PPP2R5C: variants seen among roughly 807,000 people sequenced by gnomAD.
PPP2R5C encodes the protein serine/threonine-protein phosphatase 2A 56 kDa regulatory subunit gamma isoform.
A neutral mutation model predicts 68.9 loss-of-function variants in PPP2R5C; 7 were observed. The ratio of observed to expected loss-of-function variants is 0.10; its 90% CI spans 0.06 to 0.19. The LOEUF is 0.19. PPP2R5C is among the 10% of genes least tolerant of loss of function. The pLI is 1.00. For synonymous variants in PPP2R5C, 210 were observed against 222.2 expected (o/e 0.95, Z 0.49); for missense variants, 348 against 641.3 (o/e 0.54, Z 4.94).
At chr14:101,778,259 A>G (rs1566828688) in intron 2 of PPP2R5C, among the ~76,000 whole-genome samples, 1 of 151,848 alleles carries the variant, frequency 6.6e-6, no homozygotes, top group Non-Finnish European at 1.5e-5. Flanking sequence ...CCCATTTTTT[A>G]ATCGGGTTTT....
chr14:101,842,435 T>C (rs2041533913), intron 1 of PPP2R5C, among the ~76,000 whole-genome samples: 2 of 152,202 alleles, frequency 1.3e-5, no homozygotes, highest in Admixed American at 1.3e-4. Context: ...GAGCGGCCAC[T>C]GGAGCATCCT....
At chr14:101,826,034 T>C (rs1284624778) in intron 1 of PPP2R5C, among the ~76,000 whole-genome samples, 1 of 152,264 alleles carries the variant, frequency 6.6e-6, no homozygotes, top group Non-Finnish European at 1.5e-5. Context: ...AAAGTCTTTA[T>C]GTACTCCGAG....
At chr14:101,861,940 G>A (rs1250587240) in intron 2 of PPP2R5C, among the ~76,000 whole-genome samples, 1 of 152,186 alleles carries the variant, frequency 6.6e-6, no homozygotes, top group Non-Finnish European at 1.5e-5. Context: ...TAGAGATGCC[G>A]TCTTGCTCTG....
At chr14:101,785,401 G>T (rs1006418004) in intron 2 of PPP2R5C, among the ~76,000 whole-genome samples, 1 of 152,148 alleles carries the variant, frequency 6.6e-6, no homozygotes. Flanking sequence ...GGCTCTGGAG[G>T]TTCTAGAGGA....
chr14:101,794,607 G>A (rs2038523306), intron 3 of PPP2R5C, among the ~76,000 whole-genome samples: 1 of 152,182 alleles, frequency 6.6e-6, no homozygotes, highest in Admixed American at 6.5e-5. Flanking sequence ...CTTGTGATGT[G>A]TGCCTCCTCT....
intron 3 of PPP2R5C, 54 bp downstream of exon 3, chr14:101,786,237 C>G (rs960120526): frequency 1.4e-6 from 2 of 1,420,118 alleles, no homozygotes; most frequent in Non-Finnish European, 1.9e-6. Flanking sequence ...AGTGAAGGAG[C>G]AATGTTTTGA....
intron 1 of PPP2R5C, among the ~76,000 whole-genome samples, chr14:101,852,114 C>T (rs1455798293): frequency 2.6e-5 from 4 of 152,180 alleles, no homozygotes; most frequent in South Asian, 2.1e-4. Context: ...ACCTCCACTG[C>T]GTGTAAATTT....
At chr14:101,872,410 T>C (rs1161997879) in intron 2 of PPP2R5C, among the ~76,000 whole-genome samples, 1 of 151,836 alleles carries the variant, frequency 6.6e-6, no homozygotes, top group Non-Finnish European at 1.5e-5. Flanking sequence ...GCTAATTTTT[T>C]TACTTTTTGT....
At chr14:101,789,307 A>T (rs1184888578) in intron 3 of PPP2R5C, among the ~76,000 whole-genome samples, 1 of 152,194 alleles carries the variant, frequency 6.6e-6, no homozygotes, top group Non-Finnish European at 1.5e-5. Flanking sequence ...TCCTAAGTTG[A>T]TGGGAAAGTG....
chr14:101,871,208 G>T (rs1385886936), intron 2 of PPP2R5C, among the ~76,000 whole-genome samples: 3 of 130,864 alleles, frequency 2.3e-5, no homozygotes, highest in Non-Finnish European at 4.6e-5. Flanking sequence ...GTTGAGTCTT[G>T]GTTTTTTTTT....
rs192520011 is a variant in PPP2R5C at position 101,880,093 on chromosome 14, C to T, written c.295-2068C>T. On this transcript the variant is annotated intron_variant, in intron 2 of 13. Transcript: ENST00000334743. Reference sequence around the variant, plus strand: ...CTGTCAATCACCGTTCTTTGGGAGGCTCCTTGCAGTGCCCTATACACACAC... The same window carrying T: ...CTGTCAATCACCGTTCTTTGGGAGGTTCCTTGCAGTGCCCTATACACACAC... 7.9e-5 allele frequency among the ~76,000 whole-genome samples: 12 copies of T among 152,310 alleles called. No homozygotes were observed. The East Asian group carries it at 1.9e-3, about 25-fold the overall frequency.
At chr14:101,803,316 G>A (rs2038945741) in intron 3 of PPP2R5C, 1 of 152,354 alleles carries the variant, frequency 6.6e-6, no homozygotes. Context: ...AATTCGTGAA[G>A]CAGTTGCATA....
At chr14:101,856,952 T>G in intron 2 of PPP2R5C, 67 bp downstream of exon 4, 2 of 1,457,608 alleles carry the variant, frequency 1.4e-6, no homozygotes, top group Non-Finnish European at 1.9e-6. Context: ...CCAAGATCTC[T>G]GAGCCTAACA....
chr14:101,910,610 A>G (rs2046328124), intron 11 of PPP2R5C, among the ~76,000 whole-genome samples: 1 of 152,144 alleles, frequency 6.6e-6, no homozygotes. Flanking sequence ...AGGCGGGTGG[A>G]TCACAAGGTC....
At chr14:101,872,807 T>C (rs2043511182) in intron 2 of PPP2R5C, among the ~76,000 whole-genome samples, 1 of 152,186 alleles carries the variant, frequency 6.6e-6, no homozygotes, top group Non-Finnish European at 1.5e-5. Context: ...TTCATCAGTT[T>C]GAGAAATTGT....
At chr14:101,789,416 A>G (rs1225773769) in intron 3 of PPP2R5C, among the ~76,000 whole-genome samples, 1 of 152,210 alleles carries the variant, frequency 6.6e-6, no homozygotes, top group East Asian at 1.9e-4. Flanking sequence ...GGTTGGCGCC[A>G]TGCCAGTGCA....
At chr14:101,764,368 A>G (rs530983680) in intron 2 of PPP2R5C, among the ~76,000 whole-genome samples, 68 of 152,324 alleles carry the variant, frequency 4.5e-4, no homozygotes, top group African/African-American at 1.5e-3. Flanking sequence ...TTGAAGCCCC[A>G]GTCTTATCAC....
intron 1 of PPP2R5C, among the ~76,000 whole-genome samples, chr14:101,810,640 G>T (rs901190688): frequency 7.9e-5 from 12 of 152,168 alleles, no homozygotes; most frequent in Admixed American, 7.2e-4. Context: ...CGTTTTCGTG[G>T]AATATTAGGA....
intron 10 of PPP2R5C, among the ~76,000 whole-genome samples, 170 bp from the exon 13 acceptor site, chr14:101,909,419 T>C (rs146930419): frequency 1.3e-5 from 2 of 152,262 alleles, no homozygotes; most frequent in East Asian, 3.9e-4. Context: ...AGTCTCGGGA[T>C]GTGTGGCTGT....
Sources: allele counts gnomAD v4.1 joint callset (sites outside exome capture counted in the v4.1 genomes callset), GRCh38; gene constraint gnomAD v4.1.1; transcripts MANE v1.5; gene names NCBI Gene and HGNC (gene_info 2026-07-23, HGNC 2026-07-21).